Variants in CTNND2 observed in about 807,000 individuals in gnomAD.
The protein encoded by CTNND2 is catenin delta-2.
In CTNND2, 22 loss-of-function variants were observed where a neutral mutation model predicts 144.4. The observed-to-expected ratio is 0.15, with a 90% confidence interval of 0.11 to 0.22. CTNND2 has a LOEUF of 0.22. Ranked by LOEUF, CTNND2 falls within the 10% of genes least tolerant of loss-of-function variation. The pLI is 1.00. For missense variants in CTNND2, 1,353 were observed against 1,618.8 expected (o/e 0.84, Z 2.82); for synonymous variants, 751 against 695.6 (o/e 1.08, Z -1.25).
intron 3 of CTNND2, among the ~76,000 whole-genome samples, chr5:11,433,480 A>T (rs966054989): frequency 6.6e-5 from 10 of 152,166 alleles, no homozygotes; most frequent in African/African-American, 2.2e-4. Context: ...GTAATTTATT[A>T]AAAAAAGAGA....
chr5:11,585,469 A>G (rs1409948374), intron 2 of CTNND2, among the ~76,000 whole-genome samples: 2 of 128,024 alleles, frequency 1.6e-5, no homozygotes, highest in African/African-American at 6.1e-5. Flanking sequence ...CTATATTTAT[A>G]TATTTTATCT....
At chr5:10,986,517 A>C in intron 20 of CTNND2, 1 of 424,496 alleles carries the variant, frequency 2.4e-6, no homozygotes, top group Non-Finnish European at 4.7e-6. Context: ...AATCAGTACA[A>C]ATGGGATCCT....
At chr5:11,098,515 G>C in intron 15 of CTNND2, 60 bp downstream of exon 15, 1 of 1,435,090 alleles carries the variant, frequency 7.0e-7, no homozygotes, top group Admixed American at 2.1e-5. Context: ...GACTTATATT[G>C]TTTTCTGAGG....
At chr5:11,707,592 A>C (rs2126683705) in intron 2 of CTNND2, among the ~76,000 whole-genome samples, 1 of 152,312 alleles carries the variant, frequency 6.6e-6, no homozygotes, top group East Asian at 1.9e-4. Flanking sequence ...ACAGTCCAAA[A>C]TCCCCAAAAC....
Position 11,897,140 on chromosome 5 carries a change from CTG to C in CTNND2, c.37+6675_37+6676del, listed in dbSNP as rs1432495114. Among the ~76,000 whole-genome samples the C allele has an allele frequency of 3.3e-5, 5 of 152,262 alleles. No individual in the cohort carries two copies. In the East Asian group the frequency reaches 9.6e-4, roughly 29 times the overall value. On this transcript the variant is annotated intron_variant, in intron 1 of 21. Transcript: ENST00000304623. ...GAACAATGCTCCACACCAGTGAAGACTGTGTTAGAGATGAGAGATTGAACTGT... is the reference window on the plus strand; with the variant it reads ...GAACAATGCTCCACACCAGTGAAGACTGTTAGAGATGAGAGATTGAACTGT...
chr5:11,731,773 C>G lies in CTNND2; in HGVS notation c.174+363G>C, dbSNP rs188282050. On this transcript the variant is annotated intron_variant, in intron 2 of 21. Coordinates refer to ENST00000304623, the MANE Select transcript of CTNND2 (RefSeq NM_001332.4). ...TACTGTCATATATATTTTTAACCTC[C>G]CGGATATATTTTAATTTTTCATTAG... Among the ~76,000 whole-genome samples, 73 of 152,126 alleles carry G rather than the reference C, an allele frequency of 4.8e-4. 1 individual carries two copies. The East Asian group carries it at 7.9e-3, about 17-fold the overall frequency.
At chr5:11,130,279 A>C (rs1755453049) in intron 12 of CTNND2, among the ~76,000 whole-genome samples, 1 of 151,976 alleles carries the variant, frequency 6.6e-6, no homozygotes. Flanking sequence ...TCCACCCATA[A>C]ACGTAAGCCA....
intron 3 of CTNND2, among the ~76,000 whole-genome samples, chr5:11,563,744 GA>G (rs150060940): frequency 0.015 from 2,138 of 146,082 alleles, 48 homozygotes; most frequent in African/African-American, 0.05. Flanking sequence ...TCTATTTAAA[GA>G]AAAAAAAAAC....
At chr5:11,653,841 G>C (rs1561660997) in intron 2 of CTNND2, among the ~76,000 whole-genome samples, 1 of 150,878 alleles carries the variant, frequency 6.6e-6, no homozygotes, top group South Asian at 2.1e-4. Context: ...GAGCTTTTTT[G>C]TTATGTGTTC....
intron 10 of CTNND2, among the ~76,000 whole-genome samples, chr5:11,212,791 G>A (rs1001840495): frequency 9.2e-5 from 14 of 152,190 alleles, no homozygotes; most frequent in African/African-American, 3.4e-4. Flanking sequence ...GCCTGGGCCT[G>A]GGCCTGCACG....
intron 3 of CTNND2, among the ~76,000 whole-genome samples, chr5:11,498,367 C>A (rs1265582557): frequency 6.6e-6 from 1 of 152,068 alleles, no homozygotes; most frequent in East Asian, 1.9e-4. Context: ...AGCATGGGAA[C>A]CTTGATCATG....
At chr5:11,163,860 A>G (rs1022040499) in intron 11 of CTNND2, among the ~76,000 whole-genome samples, 3 of 152,138 alleles carry the variant, frequency 2.0e-5, no homozygotes, top group African/African-American at 7.2e-5. Context: ...GTGACCCAAC[A>G]CTTTCTTTAA....
intron 18 of CTNND2, among the ~76,000 whole-genome samples, chr5:10,998,860 A>G (rs551789389): frequency 2.2e-4 from 34 of 152,358 alleles, no homozygotes; most frequent in Admixed American, 2.1e-3. Context: ...GTTATATGCA[A>G]ATACTGCACC....
rs1158481635 is a variant in CTNND2, at chr5:11,662,107, A to ATG, written c.174+70027_174+70028dup. 6.8e-5 allele frequency among the ~76,000 whole-genome samples: 10 copies of ATG among 146,974 alleles called. No homozygotes were observed. In the East Asian group the frequency reaches 1.4e-3, roughly 20 times the overall value. On this transcript the variant is annotated intron_variant, in intron 2 of 21. Transcript: ENST00000304623. The stretch of plus-strand genomic sequence containing the variant: ...CATATATACATATATACACATATTT[A>ATG]TGTGTGTGTGTATATATATATACAT...
intron 1 of CTNND2, among the ~76,000 whole-genome samples, chr5:11,758,585 C>T (rs1789082592): frequency 6.6e-6 from 1 of 151,918 alleles, no homozygotes; most frequent in South Asian, 2.1e-4. Context: ...AGAGACCATG[C>T]TTATTCAAAA....
intron 1 of CTNND2, among the ~76,000 whole-genome samples, chr5:11,892,310 G>GATGCC (rs1280538279): frequency 6.6e-6 from 1 of 152,106 alleles, no homozygotes; most frequent in Non-Finnish European, 1.5e-5. Context: ...TTGTCTTCTC[G>GATGCC]ATGCCTTCTA....
chr5:11,393,244 T>C (rs183999887), intron 6 of CTNND2, among the ~76,000 whole-genome samples: 11 of 152,344 alleles, frequency 7.2e-5, no homozygotes, highest in Admixed American at 7.2e-4. Context: ...TGTTCAGTTT[T>C]ATTTTAGAGA....
chr5:11,083,806 C>T lies in CTNND2; in HGVS notation c.2638-960G>A, dbSNP rs1284942725. ...GGTCCTCCTGGGGACCAGTCCTTTC[C>T]CACCCAGTCCCCCCACCAGGCCACC... is the stretch of plus-strand genomic sequence containing the variant. On this transcript the variant is annotated intron_variant, in intron 15 of 21. Coordinates refer to ENST00000304623, the MANE Select transcript of CTNND2 (RefSeq NM_001332.4). 5.1e-6 allele frequency: 4 copies of T among 789,154 alleles called. No homozygotes were observed. The East Asian group carries it at 3.7e-4, about 73-fold the overall frequency. The allele number at this position is 789,154 out of a possible 1,614,324, so 48.9% of individuals were successfully genotyped here. A position where few individuals can be genotyped will look rare whatever the true frequency, so the allele number is the denominator to read the frequency against.
intron 1 of CTNND2, among the ~76,000 whole-genome samples, chr5:11,766,710 T>C (rs1345473819): frequency 6.6e-6 from 1 of 152,166 alleles, no homozygotes; most frequent in Non-Finnish European, 1.5e-5. Flanking sequence ...AGGGTGGTGC[T>C]GGGAGTCTCA....
Sources: allele counts gnomAD v4.1 joint callset (sites outside exome capture counted in the v4.1 genomes callset), GRCh38; gene constraint gnomAD v4.1.1; transcripts MANE v1.5; gene names NCBI Gene and HGNC (gene_info 2026-07-23, HGNC 2026-07-21).